Variants in PPP2R2C observed in about 807,000 individuals in gnomAD.
PPP2R2C encodes protein phosphatase 2 regulatory subunit Bgamma.
Under a neutral mutation model 45.3 loss-of-function variants are expected in PPP2R2C, and 10 were observed. The observed-to-expected ratio is 0.22, with a 90% CI of 0.14 to 0.37. The LOEUF is 0.37. PPP2R2C is among the 10% of genes least tolerant of loss of function. The pLI, the probability that PPP2R2C is intolerant of heterozygous loss-of-function variation, is 1.00. For missense variants in PPP2R2C, 308 were observed against 619.7 expected (o/e 0.50, Z 5.34); for synonymous variants, 257 against 245.4 (o/e 1.05, Z -0.44).
At chr4:6,500,251 G>A (rs912950143) in intron 2 of PPP2R2C, among the ~76,000 whole-genome samples, 2 of 152,144 alleles carry the variant, frequency 1.3e-5, no homozygotes, top group African/African-American at 2.4e-5. Flanking sequence ...GAGTTCAAGC[G>A]ATTCTCTTGT....
At chr4:6,539,476 G>A (rs372788661) in intron 1 of PPP2R2C, among the ~76,000 whole-genome samples, 1 of 152,128 alleles carries the variant, frequency 6.6e-6, no homozygotes, top group Non-Finnish European at 1.5e-5. Context: ...ACGCTTCACC[G>A]GTCTCTCTCC....
chr4:6,515,648 C>G (rs1723806861), intron 2 of PPP2R2C, among the ~76,000 whole-genome samples: 1 of 152,230 alleles, frequency 6.6e-6, no homozygotes. Context: ...CATCTAATCC[C>G]TTTGCCTATT....
At chr4:6,500,981 C>T (rs981041188) in intron 2 of PPP2R2C, among the ~76,000 whole-genome samples, 16 of 152,220 alleles carry the variant, frequency 1.1e-4, no homozygotes, top group Non-Finnish European at 7.3e-5. Flanking sequence ...CTGGGCAAGA[C>T]GGCAGAATGC....
chr4:6,511,239 G>A (rs1723443471), intron 2 of PPP2R2C, among the ~76,000 whole-genome samples: 2 of 108,930 alleles, frequency 1.8e-5, no homozygotes, highest in South Asian at 3.2e-4. Flanking sequence ...TAGTCGTTCC[G>A]CTGGTGATGC....
At chr4:6,381,393 A>G (rs1216447017) in intron 1 of PPP2R2C, 2 of 1,449,642 alleles carry the variant, frequency 1.4e-6, no homozygotes, top group Non-Finnish European at 1.8e-6. Flanking sequence ...TATGGGACTC[A>G]CGGTGGTATC....
rs575571974 is a variant in PPP2R2C, at chr4:6,360,032, A to G, written c.626-12022T>C. Among the ~76,000 whole-genome samples the G allele has an allele frequency of 7.1e-4, 108 of 152,348 alleles. 3 individuals carry two copies. The highest frequency in any genetic ancestry group is 7.2e-4 in the Non-Finnish European group (49 of 68,030). The stretch of plus-strand genomic sequence containing the variant: ...TGGAGATCCCACGACAAGCTAATCT[A>G]AAAACCACAGCAAGTAATTGAACTT... On this transcript the variant is annotated intron_variant, in intron 5 of 8. Coordinates refer to ENST00000382599, the MANE Select transcript of PPP2R2C (RefSeq NM_020416.4).
chr4:6,498,222 A>G (rs1453700430), intron 2 of PPP2R2C, among the ~76,000 whole-genome samples: 5 of 152,250 alleles, frequency 3.3e-5, no homozygotes, highest in Non-Finnish European at 7.3e-5. Flanking sequence ...TGAAGAACAC[A>G]CACAGCATGT....
At chr4:6,518,594 A>G (rs898798518) in intron 2 of PPP2R2C, among the ~76,000 whole-genome samples, 1 of 152,222 alleles carries the variant, frequency 6.6e-6, no homozygotes, top group Non-Finnish European at 1.5e-5. Flanking sequence ...AAACTCACAC[A>G]ATAAGAAATA....
At chr4:6,382,685 A>T (rs71599885) in intron 1 of PPP2R2C, 27 of 241,872 alleles carry the variant, frequency 1.1e-4, no homozygotes, top group Admixed American at 1.0e-3. Context: ...TCACACACAC[A>T]CACACACACA....
In PPP2R2C at chr4:6,327,029, TCTGTTTATCTTGGGACCC is replaced by T. The variant is rs1372902066; in HGVS notation, c.1052+2215_1052+2232del. Among the ~76,000 whole-genome samples the T allele has an allele frequency of 3.3e-5, 5 of 152,104 alleles. No individual in the cohort carries two copies. In the East Asian group the frequency reaches 9.7e-4, roughly 29 times the overall value. ...AGGCCCTGGAAGGCAGGACCCAGGG[TCTGTTTATCTTGGGACCC>T]CTGACCATGGGGCATGTTGTTCTCA... On this transcript the variant is annotated intron_variant, in intron 8 of 8. Coordinates refer to ENST00000382599, the MANE Select transcript of PPP2R2C (RefSeq NM_020416.4).
At chr4:6,400,414 T>C (rs1417170983) in intron 1 of PPP2R2C, among the ~76,000 whole-genome samples, 1 of 152,246 alleles carries the variant, frequency 6.6e-6, no homozygotes, top group African/African-American at 2.4e-5. Flanking sequence ...AATGAATTCA[T>C]ATAAATCTTT....
intron 2 of PPP2R2C, among the ~76,000 whole-genome samples, chr4:6,478,719 G>T (rs146714435): frequency 6.6e-6 from 1 of 152,214 alleles, no homozygotes; most frequent in African/African-American, 2.4e-5. Flanking sequence ...GCCTCAGCCG[G>T]AATGAACTAG....
At chr4:6,333,538 G>T (rs748779867) in intron 7 of PPP2R2C, 24 bp downstream of exon 7, 3 of 1,606,940 alleles carry the variant, frequency 1.9e-6, no homozygotes, top group Non-Finnish European at 2.6e-6. Context: ...CCCGGGATTG[G>T]GGGTCTCCTG....
intron 2 of PPP2R2C, among the ~76,000 whole-genome samples, chr4:6,529,930 A>C (rs1447524842): frequency 6.6e-6 from 1 of 152,120 alleles, no homozygotes; most frequent in South Asian, 2.1e-4. Flanking sequence ...AGGAGAGGCT[A>C]GAGCGCACGA....
rs1192815235 is a variant in PPP2R2C, at chr4:6,345,882, C to A, written c.790+1964G>T. Among the ~76,000 whole-genome samples, 1 of 152,148 alleles carries A rather than the reference C, an allele frequency of 6.6e-6. No homozygotes were observed. The highest frequency in any genetic ancestry group is 2.4e-5 in the African/African-American group (1 of 41,434). ...ACGGCCACTAACTCCACACTTATCT[C>A]CAGGTGGCATTACTGCCTGGATATC... is the stretch of plus-strand genomic sequence containing the variant. On this transcript the variant is annotated intron_variant, in intron 6 of 8. Coordinates refer to ENST00000382599, the MANE Select transcript of PPP2R2C (RefSeq NM_020416.4). This position sits in a 1 kb window ranked among gnomAD's most constrained non-coding sequence, Gnocchi z 5.3.
At chr4:6,507,110 T>C (rs1723262963) in intron 2 of PPP2R2C, among the ~76,000 whole-genome samples, 2 of 152,174 alleles carry the variant, frequency 1.3e-5, no homozygotes, top group Non-Finnish European at 2.9e-5. Context: ...GGAATGCCAG[T>C]GAGGAAGAGG....
intron 1 of PPP2R2C, among the ~76,000 whole-genome samples, chr4:6,431,004 C>T (rs1183116822): frequency 6.6e-6 from 1 of 152,232 alleles, no homozygotes; most frequent in African/African-American, 2.4e-5. Flanking sequence ...TCAGTGGCTT[C>T]CATAGCCCTG....
chr4:6,546,141 G>A (rs1233252359), intron 1 of PPP2R2C, among the ~76,000 whole-genome samples: 1 of 152,210 alleles, frequency 6.6e-6, no homozygotes, highest in East Asian at 1.9e-4. Context: ...GAGCTTTGGA[G>A]ACATATCCAT....
chr4:6,557,772 A>C (rs1725458107), intron 1 of PPP2R2C, among the ~76,000 whole-genome samples: 1 of 152,066 alleles, frequency 6.6e-6, no homozygotes. Flanking sequence ...GGTAGTAGAG[A>C]TGAAGAAGGA....
Sources: allele counts gnomAD v4.1 joint callset (sites outside exome capture counted in the v4.1 genomes callset), GRCh38; gene constraint gnomAD v4.1.1; non-coding constraint Gnocchi (gnomAD v3.1); transcripts MANE v1.5; gene names NCBI Gene and HGNC (gene_info 2026-07-23, HGNC 2026-07-21).